Variants in DDX60L observed in about 807,000 individuals in gnomAD.
DDX60L encodes probable ATP-dependent RNA helicase DDX60-like.
In DDX60L, 191 loss-of-function variants were observed where a neutral mutation model predicts 211.6. The observed-to-expected ratio is 0.90, with a 90% CI of 0.80 to 1.02. The LOEUF is 1.02. Ranked by LOEUF, DDX60L falls within the 50% of genes least tolerant of loss-of-function variation. DDX60L has a pLI of 0.00. For synonymous variants in DDX60L, 706 were observed against 694.1 expected, an observed-to-expected ratio of 1.02 and a Z score of -0.27; for missense variants, 2,007 against 1,984.1, an observed-to-expected ratio of 1.01 and a Z score of -0.22.
chr4:168,451,332 G>C (rs13133218), intron 8 of DDX60L, among the ~76,000 whole-genome samples: 44,117 of 152,058 alleles, frequency 0.29, 8,082 homozygotes, highest in East Asian at 0.62. Context: ...AAGTCTCATT[G>C]CCACCACCTC....
At chr4:168,392,966 T>C (rs1745112429) in intron 28 of DDX60L, among the ~76,000 whole-genome samples, 1 of 152,210 alleles carries the variant, frequency 6.6e-6, no homozygotes, top group Admixed American at 6.5e-5. Flanking sequence ...TTAACTTTTA[T>C]TGAGCCACTA....
intron 22 of DDX60L, among the ~76,000 whole-genome samples, chr4:168,410,128 G>T (rs1459966843): frequency 6.6e-6 from 1 of 151,922 alleles, no homozygotes; most frequent in Non-Finnish European, 1.5e-5. Flanking sequence ...AATTTAATAA[G>T]AAAAAGAAGA....
intron 9 of DDX60L, among the ~76,000 whole-genome samples, chr4:168,442,401 C>A (rs1056602798): frequency 1.3e-5 from 2 of 152,102 alleles, no homozygotes; most frequent in African/African-American, 4.8e-5. Flanking sequence ...TGAGATCAAA[C>A]TGCAAGGCGG....
At chr4:168,380,627 A>G (rs928416459) in intron 30 of DDX60L, 1 of 152,234 alleles carries the variant, frequency 6.6e-6, no homozygotes, top group African/African-American at 2.4e-5. Context: ...GTGTCTCTGT[A>G]TAGCAGCGTG....
chr4:168,466,151 A>T (rs1757963407), intron 4 of DDX60L, among the ~76,000 whole-genome samples: 1 of 152,170 alleles, frequency 6.6e-6, no homozygotes, highest in Non-Finnish European at 1.5e-5. Context: ...TTATGAAGTT[A>T]GTGGAAAAAA....
chr4:168,420,147 G>T, intron 18 of DDX60L, 114 bp downstream of exon 18: 1 of 928,518 alleles, frequency 1.1e-6, no homozygotes, highest in Non-Finnish European at 1.5e-6. Context: ...TTTTCTTTGT[G>T]AATTCAGTGA....
intron 36 of DDX60L, among the ~76,000 whole-genome samples, chr4:168,363,525 A>G (rs775299833): frequency 6.6e-6 from 1 of 152,242 alleles, no homozygotes; most frequent in African/African-American, 2.4e-5. Context: ...AGAATACACA[A>G]TAGATAAAGA....
In DDX60L at chr4:168,391,635, C is replaced by T. The variant is rs746023013; in HGVS notation, c.3820G>A (p.Ala1274Thr). ...ATCCCTAAGGCAAGTGTTTCAGTAG[C>T]TGTCACTACCTAGGAAAAAAAAAAA... Reference protein sequence around the residue: ...FVKGLIRVVTATETLALGIHM... With the variant: ...FVKGLIRVVTTTETLALGIHM... The change falls in exon 29 of 38, where the codon GCT becomes ACT. Residue 1274 changes from alanine to threonine, a missense_variant. By Grantham distance (58) the Ala-to-Thr change is moderately conservative. Transcript: ENST00000682922. The T allele has an allele frequency of 2.0e-6, 3 of 1,517,204 alleles. No homozygotes were observed. Among genetic ancestry groups the T allele is most frequent in the South Asian group, 1.2e-5 (1 of 80,712 alleles). 94.0% of individuals were successfully genotyped at this position (1,517,204 alleles called of 1,614,324 possible).
intron 16 of DDX60L, 92 bp downstream of exon 16, chr4:168,422,432 G>A (rs1328725668): frequency 1.6e-6 from 2 of 1,251,450 alleles, no homozygotes; most frequent in African/African-American, 3.0e-5. Flanking sequence ...ACAAGATTAA[G>A]AAGTTTATGC....
At chr4:168,398,747 G>A (rs1746267430) in intron 26 of DDX60L, among the ~76,000 whole-genome samples, 1 of 152,142 alleles carries the variant, frequency 6.6e-6, no homozygotes, top group African/African-American at 2.4e-5. Flanking sequence ...CTTCCGAGAG[G>A]AGCTACCCAC....
intron 22 of DDX60L, among the ~76,000 whole-genome samples, chr4:168,412,476 C>T (rs1395175744): frequency 2.0e-5 from 3 of 152,046 alleles, no homozygotes; most frequent in East Asian, 3.9e-4. Context: ...GCCAGGGCCG[C>T]TGGTGGTCAC....
Position 168,420,255 on chromosome 4 carries a change from T to C in DDX60L, c.2514+6A>G. 1 of 1,576,414 alleles carries C rather than the reference T, an allele frequency of 6.3e-7. No homozygotes were observed. Among genetic ancestry groups the C allele is most frequent in the South Asian group, 1.2e-5 (1 of 85,104 alleles). ...GATAATAAACTCATTAATTAATATG[T>C]CATACCTGACAGTTTAGTACATTGT... On this transcript the variant is annotated splice_donor_region_variant and intron_variant, in intron 18 of 37. Transcript: ENST00000682922.
intron 8 of DDX60L, among the ~76,000 whole-genome samples, chr4:168,449,377 A>G (rs550078884): frequency 7.1e-6 from 1 of 140,060 alleles, no homozygotes; most frequent in Non-Finnish European, 1.5e-5. Flanking sequence ...AAAAAACCAA[A>G]CACCGCATAT....
intron 17 of DDX60L, among the ~76,000 whole-genome samples, chr4:168,420,631 CACACACACAT>C (rs1358478661): frequency 4.2e-5 from 4 of 94,178 alleles, no homozygotes; most frequent in African/African-American, 8.3e-5. Context: ...CACACACACA[CACACACACAT>C]GAGATAGATA....
intron 29 of DDX60L, among the ~76,000 whole-genome samples, chr4:168,386,142 G>T (rs1743826734): frequency 6.6e-6 from 1 of 152,144 alleles, no homozygotes; most frequent in South Asian, 2.1e-4. Flanking sequence ...GGTTGAAATA[G>T]TTGAGCCCTG....
intron 33 of DDX60L, among the ~76,000 whole-genome samples, chr4:168,376,413 A>G (rs1298755667): frequency 6.6e-6 from 1 of 152,250 alleles, no homozygotes; most frequent in Admixed American, 6.5e-5. Flanking sequence ...GACACATTTC[A>G]GAATGTCTAT....
At position 168,375,414 on chromosome 4, in the gene DDX60L, G is replaced by A; in HGVS notation, c.4596C>T (p.Asn1532=). The change falls in exon 34 of 38, where the codon AAC becomes AAT. Residue 1532 remains asparagine (N), a synonymous_variant. Transcript: ENST00000682922. ...AAGGGAGTTGATGCTCTTTTTTCATGTTCACCGACTTGGAAGCAATCAGCA... is the reference window on the plus strand; with the variant it reads ...AAGGGAGTTGATGCTCTTTTTTCATATTCACCGACTTGGAAGCAATCAGCA... ...SFLLIASKSV[N]MKKEHQLPLS... is the part of the protein sequence containing the mutation. The A allele has an allele frequency of 2.5e-6, 4 of 1,612,524 alleles. No individual in the cohort carries two copies. Among genetic ancestry groups the A allele is most frequent in the Non-Finnish European group, 2.5e-6 (3 of 1,179,256 alleles).
chr4:168,432,591 T>G, intron 11 of DDX60L, 21 bp from the exon 12 acceptor site: 1 of 1,400,736 alleles, frequency 7.1e-7, no homozygotes, highest in Non-Finnish European at 9.6e-7. Flanking sequence ...AAATACATAA[T>G]TTTTTTAAAT....
intron 8 of DDX60L, among the ~76,000 whole-genome samples, 182 bp downstream of exon 8, chr4:168,452,942 T>C (rs184137193): frequency 6.6e-4 from 100 of 152,282 alleles, no homozygotes; most frequent in African/African-American, 2.2e-3. Flanking sequence ...CTCTCATGCT[T>C]CTATAAAACA....
Sources: gnomAD v4.1 joint callset for allele counts (sites outside exome capture counted in the v4.1 genomes callset) on GRCh38, gnomAD v4.1.1 for gene constraint, MANE v1.5 for transcripts, NCBI Gene and HGNC (gene_info 2026-07-23, HGNC 2026-07-21) for gene names.